Variants in SH3PXD2B observed in about 807,000 individuals in gnomAD.
The protein encoded by SH3PXD2B is SH3 and PX domains 2B, also known as SH3 and PX domain-containing protein 2B.
In SH3PXD2B, 37 loss-of-function variants were observed where a neutral mutation model predicts 73.1. That is an observed-to-expected ratio of 0.51 (90% CI 0.39 to 0.67). The LOEUF (loss-of-function observed/expected upper bound fraction) is 0.67. Ranked by LOEUF, SH3PXD2B falls within the 30% of genes least tolerant of loss-of-function variation. The pLI is 0.00. For missense variants in SH3PXD2B, 1,053 were observed against 1,197.8 expected, an observed-to-expected ratio of 0.88 and a Z score of 1.78; for synonymous variants, 457 against 480.5, an observed-to-expected ratio of 0.95 and a Z score of 0.64.
chr5:172,391,926 T>C (rs947620749), intron 4 of SH3PXD2B, among the ~76,000 whole-genome samples: 1 of 152,240 alleles, frequency 6.6e-6, no homozygotes, highest in Non-Finnish European at 1.5e-5. Flanking sequence ...TATGTTTTCT[T>C]CTAGAAGTTT....
chr5:172,356,409 T>A (rs997698245), intron 8 of SH3PXD2B, among the ~76,000 whole-genome samples: 1 of 152,204 alleles, frequency 6.6e-6, no homozygotes, highest in Non-Finnish European at 1.5e-5. Context: ...CCCTTGCAAC[T>A]CAAATGAGCC....
intron 6 of SH3PXD2B, among the ~76,000 whole-genome samples, chr5:172,368,685 GTTATATATATAAAATATATATATA>G (rs1561908620): frequency 7.7e-4 from 9 of 11,636 alleles, no homozygotes; most frequent in African/African-American, 3.9e-3. Context: ...AAATATATAT[GTTATATATATAAAATATATATATA>G]TTATATATAT....
intron 12 of SH3PXD2B, among the ~76,000 whole-genome samples, chr5:172,341,368 C>T (rs573222773): frequency 2.0e-5 from 3 of 152,226 alleles, no homozygotes; most frequent in Non-Finnish European, 2.9e-5. Flanking sequence ...GTGTTTGGGT[C>T]ACGGGGGCAG....
chr5:172,440,651 T>C (rs1454459600), intron 1 of SH3PXD2B, among the ~76,000 whole-genome samples: 1 of 152,100 alleles, frequency 6.6e-6, no homozygotes, highest in Non-Finnish European at 1.5e-5. Flanking sequence ...GGCTGCATCA[T>C]GGGGAATCTC....
At chr5:172,391,739 G>A (rs1023485319) in intron 4 of SH3PXD2B, among the ~76,000 whole-genome samples, 1 of 152,224 alleles carries the variant, frequency 6.6e-6, no homozygotes, top group Non-Finnish European at 1.5e-5. Flanking sequence ...CCAAAGTGCT[G>A]GAATTATAGG....
chr5:172,421,133 G>A lies in SH3PXD2B; in HGVS notation c.156+1283C>T, dbSNP rs979831253. Reference sequence around the variant, plus strand: ...TGAGAGGTGACATAGCCCCTTACCAGGAGGCTGGGAGAAGACACATGTTCA... The same window carrying A: ...TGAGAGGTGACATAGCCCCTTACCAAGAGGCTGGGAGAAGACACATGTTCA... On this transcript the variant is annotated intron_variant, in intron 2 of 12. Transcript: ENST00000311601. This position sits in a 1 kb window ranked among gnomAD's most constrained non-coding sequence, Gnocchi z 4.0. 6.6e-6 allele frequency among the ~76,000 whole-genome samples: 1 copy of A among 152,186 alleles called. No homozygotes were observed. Among genetic ancestry groups the A allele is most frequent in the African/African-American group, 2.4e-5 (1 of 41,444 alleles).
intron 6 of SH3PXD2B, among the ~76,000 whole-genome samples, chr5:172,373,126 A>T (rs983069216): frequency 6.6e-6 from 1 of 152,238 alleles, no homozygotes; most frequent in Admixed American, 6.5e-5. Flanking sequence ...GAGAATGGCA[A>T]TAGGGACGGG....
chr5:172,422,324 A>T (rs1426945858), intron 2 of SH3PXD2B, 92 bp downstream of exon 2: 1 of 1,230,484 alleles, frequency 8.1e-7, no homozygotes, highest in Non-Finnish European at 1.2e-6. Flanking sequence ...CTGGGAAATT[A>T]AAAAAATTCT....
intron 1 of SH3PXD2B, among the ~76,000 whole-genome samples, chr5:172,438,701 C>A (rs974588508): frequency 6.6e-6 from 1 of 152,064 alleles, no homozygotes; most frequent in South Asian, 2.1e-4. Flanking sequence ...AAACAGAATA[C>A]CCAGGAGTGA....
intron 4 of SH3PXD2B, among the ~76,000 whole-genome samples, chr5:172,391,955 AT>A (rs1411337576): frequency 6.6e-6 from 1 of 151,854 alleles, no homozygotes; most frequent in Admixed American, 6.6e-5. Flanking sequence ...TAGCTCTTAT[AT>A]TTAGGATTAT....
intron 1 of SH3PXD2B, among the ~76,000 whole-genome samples, chr5:172,443,418 C>A (rs567162726): frequency 6.6e-6 from 1 of 152,218 alleles, no homozygotes; most frequent in Admixed American, 6.5e-5. Flanking sequence ...ATGTAAAGAA[C>A]CCCACTGCTA....
chr5:172,407,667 C>G (rs1758593165), intron 2 of SH3PXD2B, among the ~76,000 whole-genome samples: 1 of 152,160 alleles, frequency 6.6e-6, no homozygotes, highest in East Asian at 1.9e-4. Context: ...TGAGATCTGT[C>G]CCTCTCATGG....
At chr5:172,392,099 C>T (rs1396896479) in intron 4 of SH3PXD2B, among the ~76,000 whole-genome samples, 1 of 151,194 alleles carries the variant, frequency 6.6e-6, no homozygotes, top group Non-Finnish European at 1.5e-5. Flanking sequence ...TTGCTCTCCA[C>T]CCCCTATTTA....
chr5:172,334,037 G>A lies in SH3PXD2B; in HGVS notation c.*4332C>T, dbSNP rs111395866. 8.5e-5 allele frequency: 100 copies of A among 1,173,324 alleles called. No homozygotes were observed. In the African/African-American group the frequency reaches 1.2e-3, roughly 14 times the overall value. The allele number at this position is 1,173,324 out of a possible 1,614,324, so 72.7% of individuals were successfully genotyped here. A position where few individuals can be genotyped will look rare whatever the true frequency, so the allele number is the denominator to read the frequency against. On this transcript the variant is annotated 3_prime_UTR_variant, in exon 13 of 13. Coordinates refer to ENST00000311601, the MANE Select transcript of SH3PXD2B (RefSeq NM_001017995.3). ...AGGACATCTAAAAGTGAAGGCTACC[G>A]ACTGTGGCACTGCGTTTGGCCTCTT...
In SH3PXD2B at chr5:172,353,855, C is replaced by T; in HGVS notation, c.785+33G>A. 2 of 1,591,528 alleles carry T rather than the reference C, an allele frequency of 1.3e-6. No homozygotes were observed. The highest frequency in any genetic ancestry group is 1.7e-6 in the Non-Finnish European group (2 of 1,160,666). On this transcript the variant is annotated intron_variant, in intron 9 of 12. Coordinates refer to ENST00000311601, the MANE Select transcript of SH3PXD2B (RefSeq NM_001017995.3). The surrounding 1 kb of genome is among the most constrained non-coding windows in gnomAD (Gnocchi z 4.3). Reference sequence around the variant, plus strand: ...AACCCACCCAGCGTGACCCCAAACCCACCCAGCAACCGTGGGGGGCAGCGG... The same window carrying T: ...AACCCACCCAGCGTGACCCCAAACCTACCCAGCAACCGTGGGGGGCAGCGG...
intron 11 of SH3PXD2B, 127 bp from the exon 12 acceptor site, chr5:172,346,388 C>A: frequency 6.9e-7 from 1 of 1,440,006 alleles, no homozygotes; most frequent in Non-Finnish European, 9.6e-7. Context: ...TAGTTGGATT[C>A]TAAGGGACAA....
At chr5:172,401,679 T>G (rs1758424405) in intron 3 of SH3PXD2B, among the ~76,000 whole-genome samples, 1 of 152,224 alleles carries the variant, frequency 6.6e-6, no homozygotes, top group Non-Finnish European at 1.5e-5. Flanking sequence ...TTGTGAAGAT[T>G]TCATGGACAT....
intron 1 of SH3PXD2B, among the ~76,000 whole-genome samples, chr5:172,431,889 C>T (rs144730807): frequency 3.9e-5 from 6 of 152,224 alleles, no homozygotes; most frequent in African/African-American, 1.4e-4. Context: ...TTAGGCCGGG[C>T]GCAGTGGCTC....
At chr5:172,427,486 C>T (rs922288345) in intron 1 of SH3PXD2B, among the ~76,000 whole-genome samples, 5 of 152,168 alleles carry the variant, frequency 3.3e-5, no homozygotes, top group African/African-American at 1.2e-4. Flanking sequence ...GCTGGGACTA[C>T]AGGCATGTGC....
Sources: allele counts gnomAD v4.1 joint callset (sites outside exome capture counted in the v4.1 genomes callset), GRCh38; gene constraint gnomAD v4.1.1; non-coding constraint Gnocchi (gnomAD v3.1); transcripts MANE v1.5; gene names NCBI Gene and HGNC (gene_info 2026-07-23, HGNC 2026-07-21).